Variants in RAP1GAP2 observed in about 807,000 individuals in gnomAD.
RAP1GAP2 encodes the protein rap1 GTPase-activating protein 2.
RAP1GAP2 carries 27 observed loss-of-function variants against 95.0 expected under a neutral mutation model. The observed-to-expected ratio is 0.28, with a 90% CI of 0.21 to 0.39. The LOEUF (loss-of-function observed/expected upper bound fraction) is 0.39. Among genes scored for constraint, RAP1GAP2 ranks in the 10% least tolerant of loss-of-function variants. The probability of loss-of-function intolerance (pLI) is 1.00; values close to 1 mark genes in which losing one functional copy is unlikely to be tolerated. For synonymous variants in RAP1GAP2, 373 were observed against 380.9 expected, an observed-to-expected ratio of 0.98 and a Z score of 0.24; for missense variants, 771 against 970.0, an observed-to-expected ratio of 0.79 and a Z score of 2.72.
intron 2 of RAP1GAP2, among the ~76,000 whole-genome samples, chr17:2,812,049 T>C (rs2069791068): frequency 6.6e-6 from 1 of 152,120 alleles, no homozygotes; most frequent in African/African-American, 2.4e-5. Flanking sequence ...TCTTGACAAC[T>C]AACTGCAGAC....
At chr17:3,032,371 C>G in intron 23 of RAP1GAP2, 40 bp from the exon 24 acceptor site, 1 of 1,613,608 alleles carries the variant, frequency 6.2e-7, no homozygotes, top group Non-Finnish European at 8.5e-7. Flanking sequence ...CCTGTGCTGT[C>G]TGGTTATTTA....
At chr17:2,802,698 C>T (rs192232488) in intron 2 of RAP1GAP2, among the ~76,000 whole-genome samples, 6 of 151,518 alleles carry the variant, frequency 4.0e-5, no homozygotes, top group Admixed American at 2.0e-4. Context: ...AGTGAAATGC[C>T]GTCTCAAAAA....
At chr17:2,838,338 G>A (rs1224210543) in intron 2 of RAP1GAP2, among the ~76,000 whole-genome samples, 1 of 151,948 alleles carries the variant, frequency 6.6e-6, no homozygotes, top group African/African-American at 2.4e-5. Flanking sequence ...TCTTGATGGG[G>A]CTGACAGGAT....
chr17:2,823,071 G>A (rs2070381489), intron 2 of RAP1GAP2, among the ~76,000 whole-genome samples: 3 of 152,332 alleles, frequency 2.0e-5, no homozygotes, highest in Non-Finnish European at 4.4e-5. Flanking sequence ...AGTGAAAAAT[G>A]CTGTAAATGG....
At chr17:2,781,660 CTG>C (rs1242506694) in intron 1 of RAP1GAP2, among the ~76,000 whole-genome samples, 3 of 131,652 alleles carry the variant, frequency 2.3e-5, no homozygotes, top group Admixed American at 7.2e-5. Context: ...GTGCAGGTCT[CTG>C]TGTGGGCACG....
chr17:2,991,161 A>G, intron 11 of RAP1GAP2, 136 bp from the exon 12 acceptor site: 1 of 702,666 alleles, frequency 1.4e-6, no homozygotes, highest in Non-Finnish European at 2.5e-6. Flanking sequence ...AGTCCCACTG[A>G]GGGCAGCTAT....
chr17:3,009,675 C>A (rs988602233), intron 17 of RAP1GAP2, among the ~76,000 whole-genome samples: 4 of 152,172 alleles, frequency 2.6e-5, no homozygotes, highest in Non-Finnish European at 5.9e-5. Flanking sequence ...GCCAAGATGC[C>A]TCTTGGGGTT....
At chr17:2,838,050 G>A (rs1201200703) in intron 2 of RAP1GAP2, among the ~76,000 whole-genome samples, 2 of 103,418 alleles carry the variant, frequency 1.9e-5, no homozygotes, top group African/African-American at 4.0e-5. Flanking sequence ...ACAGAGTCTC[G>A]CCTTATCACC....
chr17:2,980,076 G>A (rs1351620116), intron 8 of RAP1GAP2, among the ~76,000 whole-genome samples: 2 of 151,936 alleles, frequency 1.3e-5, no homozygotes, highest in East Asian at 3.9e-4. Context: ...AAGTAGCTGG[G>A]ATTACAGGCA....
intron 3 of RAP1GAP2, among the ~76,000 whole-genome samples, chr17:2,916,680 G>T (rs73294620): frequency 6.6e-6 from 1 of 152,190 alleles, no homozygotes; most frequent in Admixed American, 6.5e-5. Flanking sequence ...CAGTAATGAG[G>T]TCATCCACAG....
chr17:2,800,877 G>A (rs1185848792), intron 2 of RAP1GAP2, among the ~76,000 whole-genome samples: 3 of 134,722 alleles, frequency 2.2e-5, no homozygotes, highest in African/African-American at 8.2e-5. Flanking sequence ...TTGAGACGGA[G>A]TCTTGCTCTG....
chr17:2,769,232 T>TAAAAAA lies in RAP1GAP2; in HGVS notation c.51-1062_51-1057dup, dbSNP rs58436827. Among the ~76,000 whole-genome samples, 21 of 42,912 alleles carry TAAAAAA rather than the reference T, an allele frequency of 4.9e-4. 3 individuals are homozygous for TAAAAAA. Among genetic ancestry groups the TAAAAAA allele is most frequent in the Non-Finnish European group, 6.5e-4 (16 of 24,556 alleles). The allele number at this position is 42,912 out of a possible 152,430, so 28.2% of individuals were successfully genotyped here. A position where few individuals can be genotyped will look rare whatever the true frequency, so the allele number is the denominator to read the frequency against. ...GGATGAGAAAGTGAAACCATTTCTCTAAAAAAAAAAAAAAAAAAAAAAAAA... is the reference window on the plus strand; with the variant it reads ...GGATGAGAAAGTGAAACCATTTCTCTAAAAAAAAAAAAAAAAAAAAAAAAAAAAAAA... On this transcript the variant is annotated intron_variant, in intron 1 of 25. Coordinates refer to the RAP1GAP2 transcript ENST00000637138.
At chr17:2,882,045 C>T (rs1405480981) in intron 2 of RAP1GAP2, among the ~76,000 whole-genome samples, 1 of 150,936 alleles carries the variant, frequency 6.6e-6, no homozygotes, top group Non-Finnish European at 1.5e-5. Context: ...TGGCCTCGAT[C>T]TCCTGACCTC....
chr17:2,893,664 G>T (rs2073791852), intron 2 of RAP1GAP2, among the ~76,000 whole-genome samples: 1 of 152,240 alleles, frequency 6.6e-6, no homozygotes, highest in African/African-American at 2.4e-5. Context: ...GCTGCCGGAG[G>T]CCGTGACCTT....
intron 2 of RAP1GAP2, among the ~76,000 whole-genome samples, chr17:2,803,246 C>T (rs551148456): frequency 6.6e-6 from 1 of 152,182 alleles, no homozygotes; most frequent in Non-Finnish European, 1.5e-5. Flanking sequence ...TCTGGGAAGG[C>T]GATATTGGGA....
At chr17:2,893,450 T>TA (rs2073784152) in intron 2 of RAP1GAP2, among the ~76,000 whole-genome samples, 1 of 152,224 alleles carries the variant, frequency 6.6e-6, no homozygotes, top group Non-Finnish European at 1.5e-5. Flanking sequence ...TATCTCTATT[T>TA]ATATCTCCTA....
At chr17:2,932,806 G>T (rs1487249914) in intron 3 of RAP1GAP2, among the ~76,000 whole-genome samples, 1 of 98,368 alleles carries the variant, frequency 1.0e-5, no homozygotes, top group Non-Finnish European at 1.8e-5. Context: ...AGCAGAGCAA[G>T]ACTCCATCTC....
intron 2 of RAP1GAP2, among the ~76,000 whole-genome samples, chr17:2,863,024 A>G (rs1230447753): frequency 1.3e-5 from 2 of 148,272 alleles, no homozygotes; most frequent in African/African-American, 2.5e-5. Flanking sequence ...AAAAAAAAGT[A>G]AAGTCAGGCC....
intron 3 of RAP1GAP2, among the ~76,000 whole-genome samples, chr17:2,915,902 G>A (rs1339579047): frequency 3.3e-5 from 5 of 151,990 alleles, no homozygotes; most frequent in East Asian, 1.9e-4. Flanking sequence ...GTTTCACCAC[G>A]TTGGCCAGGA....
Sources: gnomAD v4.1 joint callset for allele counts (sites outside exome capture counted in the v4.1 genomes callset) on GRCh38, gnomAD v4.1.1 for gene constraint, MANE v1.5 for transcripts, NCBI Gene and HGNC (gene_info 2026-07-23, HGNC 2026-07-21) for gene names.